The following EP300 variants were observed in gnomAD, a reference collection of about 807,000 sequenced individuals.
EP300 encodes EP300 lysine acetyltransferase.
A neutral mutation model predicts 264.0 loss-of-function variants in EP300; 31 were observed. The ratio of observed to expected loss-of-function variants is 0.12; its 90% CI spans 0.09 to 0.16. The LOEUF is 0.16. Ranked by LOEUF, EP300 falls within the 10% of genes least tolerant of loss-of-function variation. The pLI, the probability that EP300 is intolerant of heterozygous loss-of-function variation, is 1.00. For synonymous variants in EP300, 1,340 were observed against 1,045.4 expected, an observed-to-expected ratio of 1.28 and a Z score of -5.44; for missense variants, 2,766 against 3,052.9, an observed-to-expected ratio of 0.91 and a Z score of 2.21.
rs888775920 is a variant in EP300, at chr22:41,100,629, C to T, written c.94+7531C>T. ...TCTTGTCATTATTCCCTAAACAATA[C>T]AGTGCACCAACTATTTATGTTGCAT... On this transcript the variant is annotated intron_variant, in intron 1 of 30. Transcript: ENST00000263253. 2.0e-5 allele frequency among the ~76,000 whole-genome samples: 3 copies of T among 152,050 alleles called. No homozygotes were observed. In the South Asian group the frequency reaches 6.2e-4, roughly 31 times the overall value.
In EP300 at chr22:41,117,274, T is replaced by C. The variant is rs760075261; in HGVS notation, c.182T>C (p.Ile61Thr). The change falls in exon 2 of 31, where the codon ATT becomes ACT. Residue 61 changes from isoleucine (I) to threonine (T), a missense_variant. By Grantham distance (89) the Ile-to-Thr change is moderately conservative. Transcript: ENST00000263253. ...TELGLTNGGD[I>T]NQLQTSLGMV... ...TTGGGACTAACCAATGGTGGTGATA[T>C]TAATCAGCTTCAGACAAGTCTTGGC... is the stretch of plus-strand genomic sequence containing the variant. 5 of 1,614,090 alleles carry C rather than the reference T, an allele frequency of 3.1e-6. No individual in the cohort carries two copies. The African/African-American group carries it at 4.0e-5, about 13-fold the overall frequency.
chr22:41,154,508 G>C (rs1431458706), intron 16 of EP300, among the ~76,000 whole-genome samples: 1 of 149,122 alleles, frequency 6.7e-6, no homozygotes, highest in Non-Finnish European at 1.5e-5. Context: ...CAAGCCTCCT[G>C]AGTAGCTGAG....
At chr22:41,093,899 A>G (rs1420365767) in intron 1 of EP300, among the ~76,000 whole-genome samples, 4 of 152,250 alleles carry the variant, frequency 2.6e-5, no homozygotes, top group Non-Finnish European at 5.9e-5. Flanking sequence ...AAAGAGTTCC[A>G]ATCATGAACT....
intron 18 of EP300, 101 bp from the exon 19 acceptor site, chr22:41,158,311 G>C: frequency 1.2e-6 from 1 of 849,730 alleles, no homozygotes; most frequent in Non-Finnish European, 2.0e-6. Context: ...ACATAAATGA[G>C]AACTAAGACA....
chr22:41,129,747 TA>T (rs1292362859), intron 4 of EP300, 142 bp from the exon 5 acceptor site: 2 of 662,092 alleles, frequency 3.0e-6, no homozygotes, highest in Non-Finnish European at 5.3e-6. Flanking sequence ...TTCTGAGTAT[TA>T]ATAGGAGCTA....
chr22:41,127,738 G>A lies in EP300; in HGVS notation c.1158G>A (p.Lys386=). The change falls in exon 4 of 31, where the codon AAG becomes AAA. Residue 386 remains lysine, a synonymous_variant. Transcript: ENST00000263253. ...LNHMTHCQSG[K]SCQVAHCASS... is the part of the protein sequence containing the mutation. ...ACATGACACACTGCCAGTCAGGCAA[G>A]TCTTGCCAAGGTAAGTGGACCCACA... 1 of 1,614,236 alleles carries A rather than the reference G, an allele frequency of 6.2e-7. No individual in the cohort carries two copies. The highest frequency in any genetic ancestry group is 1.3e-5 in the African/African-American group (1 of 75,066).
Position 41,135,916 on chromosome 22 carries a change from A to T in EP300, c.1622+10A>T, listed in dbSNP as rs761696482. On this transcript the variant is annotated intron_variant, in intron 7 of 30. Transcript: ENST00000263253. ...CCATAAATTCTCAAAAGTAAGTCTT[A>T]ACGTGATTTATACCCTGGGTCACAT... 6.3e-7 allele frequency: 1 copy of T among 1,589,832 alleles called. No individual in the cohort carries two copies. Among genetic ancestry groups the T allele is most frequent in the Non-Finnish European group, 8.6e-7 (1 of 1,157,882 alleles).
intron 12 of EP300, among the ~76,000 whole-genome samples, chr22:41,148,148 T>G (rs2059023181): frequency 6.6e-6 from 1 of 152,196 alleles, no homozygotes; most frequent in Non-Finnish European, 1.5e-5. Context: ...GTGTCAGTGT[T>G]TAGTGGCCTG....
At chr22:41,139,004 C>T (rs566362313) in intron 8 of EP300, among the ~76,000 whole-genome samples, 1 of 152,160 alleles carries the variant, frequency 6.6e-6, no homozygotes, top group Admixed American at 6.5e-5. Flanking sequence ...GGCTGGAGTG[C>T]AGTGTCGTGA....
At chr22:41,124,005 T>C (rs544535998) in intron 2 of EP300, among the ~76,000 whole-genome samples, 2 of 152,228 alleles carry the variant, frequency 1.3e-5, no homozygotes, top group Non-Finnish European at 2.9e-5. Context: ...CCCAGCACTT[T>C]GGGAGGCCGA....
chr22:41,122,157 CTTT>C (rs71328774), intron 2 of EP300, among the ~76,000 whole-genome samples: 12 of 35,874 alleles, frequency 3.3e-4, no homozygotes, highest in Admixed American at 5.1e-4. Flanking sequence ...TCTTCTTCTT[CTTT>C]TTTTTTTTTT....
intron 20 of EP300, among the ~76,000 whole-genome samples, chr22:41,161,425 G>C (rs140536342): frequency 0.022 from 3,294 of 152,224 alleles, 130 homozygotes; most frequent in African/African-American, 0.074. Flanking sequence ...AGACCATCCT[G>C]GCTAACACGG....
intron 2 of EP300, among the ~76,000 whole-genome samples, chr22:41,125,207 C>A (rs997831437): frequency 3.3e-5 from 5 of 150,352 alleles, no homozygotes; most frequent in African/African-American, 4.9e-5. Context: ...CAAGCTCCGC[C>A]TCCCGGGTTC....
intron 1 of EP300, among the ~76,000 whole-genome samples, chr22:41,105,141 G>C (rs1457816229): frequency 6.9e-6 from 1 of 144,184 alleles, no homozygotes. Context: ...AGCTAGCAGT[G>C]AGCCGAGATC....
chr22:41,173,499 T>C (rs2059182484), intron 28 of EP300, 124 bp from the exon 29 acceptor site: 1 of 1,002,732 alleles, frequency 1.0e-6, no homozygotes, highest in Non-Finnish European at 1.5e-6. Flanking sequence ...AGAGAACAGC[T>C]AGTAAAATAA....
chr22:41,124,031 T>A (rs2058867134), intron 2 of EP300, among the ~76,000 whole-genome samples: 1 of 151,586 alleles, frequency 6.6e-6, no homozygotes, highest in East Asian at 2.0e-4. Context: ...GCAGATCACT[T>A]GAGGTCAGGA....
At chr22:41,139,540 C>T (rs1040733967) in intron 8 of EP300, among the ~76,000 whole-genome samples, 7 of 152,076 alleles carry the variant, frequency 4.6e-5, no homozygotes, top group Non-Finnish European at 7.3e-5. Context: ...CAACTGAGTA[C>T]GGGATGTCCA....
chr22:41,100,264 C>T (rs1294058668), intron 1 of EP300, among the ~76,000 whole-genome samples: 1 of 152,094 alleles, frequency 6.6e-6, no homozygotes, highest in Non-Finnish European at 1.5e-5. Flanking sequence ...GTGTTTATTT[C>T]TGCAGTTTTC....
At chr22:41,129,156 G>A (rs1001104209) in intron 4 of EP300, among the ~76,000 whole-genome samples, 2 of 132,138 alleles carry the variant, frequency 1.5e-5, no homozygotes, top group Non-Finnish European at 3.2e-5. Context: ...GACTACAGGC[G>A]CCCGCCACCA....
Sources: allele counts gnomAD v4.1 joint callset (sites outside exome capture counted in the v4.1 genomes callset), GRCh38; gene constraint gnomAD v4.1.1; transcripts MANE v1.5; gene names NCBI Gene and HGNC (gene_info 2026-07-23, HGNC 2026-07-21).